The following MAPK8 variants were observed in gnomAD, a reference collection of about 807,000 sequenced individuals.
MAPK8 encodes the protein JUN N-terminal kinase.
MAPK8 carries 13 observed loss-of-function variants against 52.9 expected under a neutral mutation model. That is an observed-to-expected ratio of 0.25 (90% confidence interval 0.16 to 0.39). MAPK8 has a LOEUF of 0.39. Among genes scored for constraint, MAPK8 ranks in the 10% least tolerant of loss-of-function variants. The pLI is 1.00. For synonymous variants in MAPK8, 191 were observed against 169.8 expected, an observed-to-expected ratio of 1.12 and a Z score of -0.97; for missense variants, 300 against 519.2, an observed-to-expected ratio of 0.58 and a Z score of 4.10.
intron 1 of MAPK8, among the ~76,000 whole-genome samples, chr10:48,329,769 C>T (rs1004432971): frequency 1.3e-5 from 2 of 152,126 alleles, no homozygotes. Flanking sequence ...GATGTGTTAA[C>T]ATAGGGTCCA....
Position 48,365,388 on chromosome 10 carries a change from C to T in MAPK8, c.-49-36224C>T, listed in dbSNP as rs1564535094. On this transcript the variant is annotated intron_variant, in intron 1 of 11. Coordinates refer to ENST00000374189, the MANE Select transcript of MAPK8 (RefSeq NM_001323329.2). ...ATTAAAACAAAAATAACCAGTAATG[C>T]GAACTGAACCCAAAGATATCTAAGA... 3.9e-5 allele frequency among the ~76,000 whole-genome samples: 6 copies of T among 152,212 alleles called. No homozygotes were observed. In the South Asian group the frequency reaches 1.0e-3, roughly 26 times the overall value.
Position 48,426,514 on chromosome 10 carries a change from T to C in MAPK8, c.996+10T>C. The stretch of plus-strand genomic sequence containing the variant: ...TTCTGAAGCAGAAGCTGTAAGTTAT[T>C]TTCTTAATGTTTACAGAACATATTG... On this transcript the variant is annotated intron_variant, in intron 9 of 11. Transcript: ENST00000374189. 1 of 1,605,778 alleles carries C rather than the reference T, an allele frequency of 6.2e-7. No individual in the cohort carries two copies. The highest frequency in any genetic ancestry group is 1.1e-5 in the South Asian group (1 of 89,234).
At chr10:48,343,411 A>G (rs1016818703) in intron 1 of MAPK8, among the ~76,000 whole-genome samples, 1 of 152,218 alleles carries the variant, frequency 6.6e-6, no homozygotes, top group African/African-American at 2.4e-5. Flanking sequence ...AGGGCCCACA[A>G]GATAATCCAG....
intron 1 of MAPK8, among the ~76,000 whole-genome samples, chr10:48,391,330 C>G (rs2041610378): frequency 6.6e-6 from 1 of 152,162 alleles, no homozygotes; most frequent in Non-Finnish European, 1.5e-5. Flanking sequence ...TCAGTTACAT[C>G]TAAATTCTAT....
Position 48,338,828 on chromosome 10 carries a change from CACAA to C in MAPK8, c.-50+32011_-50+32014del, listed in dbSNP as rs926891137. On this transcript the variant is annotated intron_variant, in intron 1 of 11. Transcript: ENST00000374189. ...TAAGAACTAATTTACAATAGACACA[CACAA>C]ACACACACACCACACACACACAATA... is the stretch of plus-strand genomic sequence containing the variant. Among the ~76,000 whole-genome samples, 8 of 152,050 alleles carry C rather than the reference CACAA, an allele frequency of 5.3e-5. No individual in the cohort carries two copies. In the East Asian group the frequency reaches 9.6e-4, roughly 18 times the overall value.
chr10:48,386,932 T>G (rs780327346), intron 1 of MAPK8, among the ~76,000 whole-genome samples: 9 of 152,240 alleles, frequency 5.9e-5, no homozygotes, highest in Non-Finnish European at 1.0e-4. Context: ...CTGAATTAGC[T>G]TACTGATTTC....
intron 1 of MAPK8, among the ~76,000 whole-genome samples, chr10:48,348,256 T>G (rs1044682371): frequency 6.6e-6 from 1 of 152,244 alleles, no homozygotes; most frequent in Non-Finnish European, 1.5e-5. Context: ...CTTGTAAATT[T>G]GTTTAAGTTC....
chr10:48,380,458 G>C (rs779303223), intron 1 of MAPK8, among the ~76,000 whole-genome samples: 3 of 152,038 alleles, frequency 2.0e-5, no homozygotes, highest in Admixed American at 2.0e-4. Flanking sequence ...ATGGCCGGGC[G>C]TGGTGGCTGA....
chr10:48,363,496 T>C (rs1301698595), intron 1 of MAPK8, among the ~76,000 whole-genome samples: 1 of 152,254 alleles, frequency 6.6e-6, no homozygotes, highest in Non-Finnish European at 1.5e-5. Flanking sequence ...TTTTCATCTT[T>C]AGTTATCCAT....
intron 1 of MAPK8, among the ~76,000 whole-genome samples, chr10:48,393,285 T>C (rs1429105641): frequency 6.6e-6 from 1 of 152,172 alleles, no homozygotes; most frequent in Non-Finnish European, 1.5e-5. Context: ...CTTAAAGTTA[T>C]CTCAGACTCA....
At chr10:48,377,230 G>A (rs1405452351) in intron 1 of MAPK8, among the ~76,000 whole-genome samples, 1 of 151,960 alleles carries the variant, frequency 6.6e-6, no homozygotes, top group Non-Finnish European at 1.5e-5. Flanking sequence ...TTTGGGGGAG[G>A]GATAGCATTA....
intron 1 of MAPK8, among the ~76,000 whole-genome samples, chr10:48,360,614 A>G (rs778613369): frequency 2.0e-5 from 3 of 152,212 alleles, no homozygotes; most frequent in Admixed American, 6.5e-5. Flanking sequence ...GTGGAATATC[A>G]TTCCATAGGC....
chr10:48,422,486 C>A (rs1297071486), intron 6 of MAPK8, among the ~76,000 whole-genome samples: 1 of 152,176 alleles, frequency 6.6e-6, no homozygotes, highest in Admixed American at 6.5e-5. Context: ...GACTTATGTT[C>A]CTAGTCTTCA....
intron 1 of MAPK8, among the ~76,000 whole-genome samples, chr10:48,349,023 G>A (rs1470984135): frequency 1.3e-5 from 2 of 150,438 alleles, no homozygotes; most frequent in African/African-American, 4.9e-5. Context: ...AAGATAAAAA[G>A]ACAAAGAAGG....
At chr10:48,379,056 G>T (rs1167175865) in intron 1 of MAPK8, among the ~76,000 whole-genome samples, 1 of 152,194 alleles carries the variant, frequency 6.6e-6, no homozygotes, top group Non-Finnish European at 1.5e-5. Context: ...TAGACTAGTT[G>T]GCTTTGCCTG....
chr10:48,358,826 G>A (rs1847243065), intron 1 of MAPK8, among the ~76,000 whole-genome samples: 1 of 152,148 alleles, frequency 6.6e-6, no homozygotes, highest in Non-Finnish European at 1.5e-5. Context: ...CTTTGTGCAT[G>A]TTGGCAATCT....
rs897349120 is a variant in MAPK8, at chr10:48,307,766, C to G, written c.-50+945C>G. The stretch of plus-strand genomic sequence containing the variant: ...TCAGTCCATTGTGTTTTGAGATAAG[C>G]ATCCAGCAAGTACCTCCTTGGCAAT... On this transcript the variant is annotated intron_variant, in intron 1 of 11. Coordinates refer to ENST00000374189, the MANE Select transcript of MAPK8 (RefSeq NM_001323329.2). 2.6e-5 allele frequency among the ~76,000 whole-genome samples: 4 copies of G among 152,204 alleles called. No individual in the cohort carries two copies. In the East Asian group the frequency reaches 7.7e-4, roughly 29 times the overall value.
chr10:48,353,876 T>C (rs1434978965), intron 1 of MAPK8, among the ~76,000 whole-genome samples: 1 of 152,140 alleles, frequency 6.6e-6, no homozygotes, highest in East Asian at 1.9e-4. Context: ...GGGATGGGGT[T>C]ATGGGAACAG....
intron 1 of MAPK8, among the ~76,000 whole-genome samples, chr10:48,313,912 C>A (rs1253009439): frequency 1.3e-5 from 2 of 152,198 alleles, no homozygotes; most frequent in East Asian, 3.9e-4. Context: ...ATCCACCTGC[C>A]TTGGCCTCCA....
Sources: gnomAD v4.1 joint callset for allele counts (sites outside exome capture counted in the v4.1 genomes callset) on GRCh38, gnomAD v4.1.1 for gene constraint, MANE v1.5 for transcripts, NCBI Gene and HGNC (gene_info 2026-07-23, HGNC 2026-07-21) for gene names.